SPMIP3: variants seen among roughly 807,000 people sequenced by gnomAD.
SPMIP3 encodes the protein protein SPMIP3.
chr1:244,368,546 T>C, the SPMIP3 span, among the ~76,000 whole-genome samples: 13 of 152,256 alleles, frequency 8.5e-5, no homozygotes, highest in Non-Finnish European at 1.5e-5. Context: ...CAGGGCTTAC[T>C]TCCCTTTCTC....
chr1:244,386,281 G>T, the SPMIP3 span, among the ~76,000 whole-genome samples: 1 of 152,024 alleles, frequency 6.6e-6, no homozygotes, highest in African/African-American at 2.4e-5. Flanking sequence ...GTTTCTCTGT[G>T]GTTATCAACT....
the SPMIP3 span, among the ~76,000 whole-genome samples, chr1:244,374,523 ATTATTT>A: frequency 2.1e-5 from 3 of 144,748 alleles, no homozygotes; most frequent in Admixed American, 1.4e-4. Flanking sequence ...CATTTCTTTT[ATTATTT>A]TTATTTTTAT....
the SPMIP3 span, among the ~76,000 whole-genome samples, chr1:244,384,471 T>C: frequency 3.9e-5 from 6 of 152,186 alleles, no homozygotes; most frequent in Admixed American, 3.9e-4. Flanking sequence ...CCCAAAGTGC[T>C]GGGATTACAG....
At chr1:244,369,679 T>C in the SPMIP3 span, among the ~76,000 whole-genome samples, 1 of 152,126 alleles carries the variant, frequency 6.6e-6, no homozygotes, top group African/African-American at 2.4e-5. Flanking sequence ...GCACGAAAGA[T>C]TGGTTGGACC....
At chr1:244,375,589 G>A in the SPMIP3 span, 1 of 601,516 alleles carries the variant, frequency 1.7e-6, no homozygotes, top group Non-Finnish European at 2.8e-6. Flanking sequence ...AATAATAATG[G>A]ATAGAAGAGG....
chr1:244,356,896 TTTC>T, the SPMIP3 span, among the ~76,000 whole-genome samples: 1 of 150,492 alleles, frequency 6.6e-6, no homozygotes, highest in Non-Finnish European at 1.5e-5. Flanking sequence ...AACCCTTCCC[TTTC>T]TTCTTTTCTT....
At chr1:244,376,149 C>T in the SPMIP3 span, among the ~76,000 whole-genome samples, 5 of 152,284 alleles carry the variant, frequency 3.3e-5, no homozygotes, top group African/African-American at 4.8e-5. Context: ...CAACAGAGCA[C>T]CTTCCCATCA....
the SPMIP3 span, among the ~76,000 whole-genome samples, chr1:244,373,243 T>C: frequency 1.3e-5 from 2 of 148,746 alleles, no homozygotes; most frequent in African/African-American, 4.9e-5. Context: ...CACATTGCCA[T>C]CAAAAAAGAT....
chr1:244,356,388 C>T, the SPMIP3 span, among the ~76,000 whole-genome samples: 4 of 152,062 alleles, frequency 2.6e-5, 1 homozygote, highest in South Asian at 6.2e-4. Flanking sequence ...TTGATTTAAC[C>T]CGTATTATAT....
chr1:244,355,574 G>A, the SPMIP3 span, among the ~76,000 whole-genome samples: 1 of 152,098 alleles, frequency 6.6e-6, no homozygotes, highest in East Asian at 1.9e-4. Flanking sequence ...TTTTAGTAGA[G>A]ACAGAGTTTC....
the SPMIP3 span, chr1:244,378,630 T>A: frequency 6.2e-7 from 1 of 1,612,878 alleles, no homozygotes; most frequent in African/African-American, 1.3e-5. Context: ...TCTGCCATTT[T>A]ATGAGATTGG....
At chr1:244,388,951 A>G in the SPMIP3 span, 2 of 1,610,666 alleles carry the variant, frequency 1.2e-6, no homozygotes, top group Admixed American at 3.3e-5. Context: ...TAAATTCCAG[A>G]TTGGAACCAG....
the SPMIP3 span, among the ~76,000 whole-genome samples, chr1:244,362,955 C>T: frequency 0.098 from 14,814 of 150,632 alleles, 970 homozygotes; most frequent in Non-Finnish European, 0.15. Context: ...GCGATCCTCC[C>T]GCCTCAGCCT....
chr1:244,382,057 A>G, the SPMIP3 span, among the ~76,000 whole-genome samples: 8 of 152,252 alleles, frequency 5.3e-5, no homozygotes, highest in Admixed American at 4.6e-4. Context: ...ACTGGGGTCC[A>G]TGCTGGAAGC....
chr1:244,386,592 C>T, the SPMIP3 span, among the ~76,000 whole-genome samples: 1 of 152,160 alleles, frequency 6.6e-6, no homozygotes, highest in Non-Finnish European at 1.5e-5. Context: ...TACTTTAATA[C>T]ATTTCCAGAA....
At chr1:244,373,453 T>C in the SPMIP3 span, among the ~76,000 whole-genome samples, 2 of 150,162 alleles carry the variant, frequency 1.3e-5, no homozygotes, top group Non-Finnish European at 3.0e-5. Context: ...CAGTGAGCTA[T>C]GATCACACTG....
the SPMIP3 span, among the ~76,000 whole-genome samples, chr1:244,373,844 T>C: frequency 6.6e-6 from 1 of 152,176 alleles, no homozygotes; most frequent in Non-Finnish European, 1.5e-5. Context: ...CCGGGTGCAG[T>C]GGCTCATGCC....
chr1:244,353,429 G>A, the SPMIP3 span, among the ~76,000 whole-genome samples: 1 of 152,158 alleles, frequency 6.6e-6, no homozygotes, highest in Non-Finnish European at 1.5e-5. Context: ...CAGATGTCTC[G>A]TTGTTTGAAG....
the SPMIP3 span, among the ~76,000 whole-genome samples, chr1:244,362,583 T>C: frequency 3.9e-5 from 6 of 152,128 alleles, no homozygotes; most frequent in Admixed American, 6.6e-5. Context: ...GCACACATCT[T>C]TGCCTCATTC....
Sources: allele counts gnomAD v4.1 joint callset (sites outside exome capture counted in the v4.1 genomes callset), GRCh38; gene constraint gnomAD v4.1.1; transcripts MANE v1.5; gene names NCBI Gene and HGNC (gene_info 2026-07-23, HGNC 2026-07-21).